The following CDH18 variants were observed in gnomAD, a reference collection of about 807,000 sequenced individuals.
CDH18 encodes cadherin 18, also known as cadherin-18.
Under a neutral mutation model 67.9 loss-of-function variants are expected in CDH18, and 31 were observed. The ratio of observed to expected loss-of-function variants is 0.46; its 90% confidence interval spans 0.34 to 0.62. The LOEUF (loss-of-function observed/expected upper bound fraction) is 0.62. Among genes scored for constraint, CDH18 ranks in the 20% least tolerant of loss-of-function variants. The probability of loss-of-function intolerance (pLI) is 0.01; values close to 1 mark genes in which losing one functional copy is unlikely to be tolerated. For missense variants in CDH18, 890 were observed against 975.5 expected (o/e 0.91, Z 1.17); for synonymous variants, 362 against 347.2 (o/e 1.04, Z -0.48).
At chr5:20,463,823 G>A (rs1201933598) in intron 1 of CDH18, among the ~76,000 whole-genome samples, 1 of 152,086 alleles carries the variant, frequency 6.6e-6, no homozygotes, top group Non-Finnish European at 1.5e-5. Flanking sequence ...TATTTTTTGG[G>A]GACAGAAGTT....
At chr5:19,913,764 T>A (rs560271921) in intron 2 of CDH18, among the ~76,000 whole-genome samples, 4 of 152,202 alleles carry the variant, frequency 2.6e-5, no homozygotes, top group Non-Finnish European at 5.9e-5. Flanking sequence ...GCATCTGAAA[T>A]AACATATTAA....
At chr5:20,381,519 T>A (rs181783080) in intron 1 of CDH18, among the ~76,000 whole-genome samples, 2 of 152,148 alleles carry the variant, frequency 1.3e-5, no homozygotes, top group Non-Finnish European at 2.9e-5. Context: ...CACCTTACTA[T>A]ATATTTAACT....
chr5:19,955,535 A>G (rs1003121110), intron 2 of CDH18, among the ~76,000 whole-genome samples: 1 of 152,108 alleles, frequency 6.6e-6, no homozygotes, highest in Non-Finnish European at 1.5e-5. Flanking sequence ...TAAAGAATAC[A>G]CATTAAGAGG....
rs1216282321 is a variant in CDH18 at position 19,994,845 on chromosome 5, T to TAGAG, written c.-517-2832_-517-2831insCTCT. ...TATAAAGAGAATATATATATATATA[T>TAGAG]ATATATATATAGAGAGAGAGAGAGA... On this transcript the variant is annotated intron_variant, in intron 2 of 14. Transcript: ENST00000507958. Among the ~76,000 whole-genome samples, 21 of 31,744 alleles carry TAGAG rather than the reference T, an allele frequency of 6.6e-4. 3 individuals are homozygous for TAGAG. Among genetic ancestry groups the TAGAG allele is most frequent in the African/African-American group, 2.3e-3 (16 of 6,814 alleles). The allele number at this position is 31,744 out of a possible 152,430, so 20.8% of individuals were successfully genotyped here. A position where few individuals can be genotyped will look rare whatever the true frequency, so the allele number is the denominator to read the frequency against.
intron 2 of CDH18, among the ~76,000 whole-genome samples, chr5:20,159,339 A>C (rs1199280862): frequency 6.6e-6 from 1 of 152,160 alleles, no homozygotes; most frequent in African/African-American, 2.4e-5. Flanking sequence ...AAAAAGAAAT[A>C]GATTTCCTAC....
intron 9 of CDH18, among the ~76,000 whole-genome samples, chr5:19,526,206 G>A (rs1033940862): frequency 3.9e-5 from 6 of 152,100 alleles, no homozygotes; most frequent in Admixed American, 1.3e-4. Flanking sequence ...GGAAAAAGCA[G>A]AATGTACATC....
chr5:20,157,966 C>T (rs1362626666), intron 2 of CDH18, among the ~76,000 whole-genome samples: 1 of 152,114 alleles, frequency 6.6e-6, no homozygotes, highest in Non-Finnish European at 1.5e-5. Context: ...CTCACCTACT[C>T]CCTCTTCCCA....
At chr5:20,505,909 C>T (rs1754629748) in intron 1 of CDH18, among the ~76,000 whole-genome samples, 3 of 152,198 alleles carry the variant, frequency 2.0e-5, no homozygotes, top group Admixed American at 2.0e-4. Flanking sequence ...TCCACCACTC[C>T]ATGTGGCCCA....
chr5:19,692,091 T>C (rs540688510), intron 5 of CDH18, among the ~76,000 whole-genome samples: 48 of 152,020 alleles, frequency 3.2e-4, no homozygotes, highest in Non-Finnish European at 5.8e-4. Context: ...TTTACAGCCA[T>C]ATAATTTTTT....
intron 2 of CDH18, among the ~76,000 whole-genome samples, chr5:19,871,582 T>C (rs1250503076): frequency 6.6e-6 from 1 of 152,146 alleles, no homozygotes; most frequent in Non-Finnish European, 1.5e-5. Context: ...CTCTTAATAT[T>C]TCCTAATATG....
At chr5:19,683,864 T>C (rs1467197261) in intron 5 of CDH18, among the ~76,000 whole-genome samples, 1 of 152,148 alleles carries the variant, frequency 6.6e-6, no homozygotes, top group Non-Finnish European at 1.5e-5. Flanking sequence ...CCTGTTTCAC[T>C]GTTTCTCAAA....
At chr5:19,887,197 A>G (rs533253686) in intron 2 of CDH18, among the ~76,000 whole-genome samples, 1 of 150,454 alleles carries the variant, frequency 6.6e-6, no homozygotes, top group Non-Finnish European at 1.5e-5. Flanking sequence ...ACTTTTTCAC[A>G]TACAACTTAT....
At chr5:20,171,244 T>C (rs1275945252) in intron 2 of CDH18, among the ~76,000 whole-genome samples, 9 of 152,094 alleles carry the variant, frequency 5.9e-5, no homozygotes, top group African/African-American at 1.7e-4. Context: ...AATAATGGGA[T>C]TGCTGGGTTT....
At position 19,571,711 on chromosome 5, in the gene CDH18, A is replaced by T. The variant is rs758395714; in HGVS notation, c.1121T>A (p.Val374Asp). 6.2e-7 allele frequency: 1 copy of T among 1,614,016 alleles called. No homozygotes were observed. Among genetic ancestry groups the T allele is most frequent in the Non-Finnish European group, 8.5e-7 (1 of 1,179,938 alleles). Residue 374 changes from valine to aspartate, a missense_variant, in exon 8 of 13, where the codon GTT becomes GAT. Val to Asp is a radical substitution (Grantham distance 152). Around this residue, in one of 2 missense-constraint regions of CDH18, gnomAD observed 656 missense variants for 668.1 expected, o/e 0.98. Coordinates refer to ENST00000382275, the MANE Select transcript of CDH18 (RefSeq NM_004934.5). ...FKDATMLKIIVGDVDEPPLFS... is the reference protein window; with the variant it reads ...FKDATMLKIIDGDVDEPPLFS... ...TAGTGGTGGTTCATCTACATCCCCA[A>T]CAATGATCTTCAGCATAGTAGCATC...
At chr5:19,918,434 G>T (rs941014138) in intron 2 of CDH18, among the ~76,000 whole-genome samples, 2 of 152,110 alleles carry the variant, frequency 1.3e-5, no homozygotes, top group Admixed American at 6.5e-5. Context: ...AAAATCCAGG[G>T]AACATAAAAC....
intron 2 of CDH18, among the ~76,000 whole-genome samples, chr5:20,189,089 T>A (rs1738332100): frequency 6.6e-6 from 1 of 152,026 alleles, no homozygotes; most frequent in African/African-American, 2.4e-5. Flanking sequence ...TGCAATGCCT[T>A]TCATCGCTAC....
At chr5:20,334,747 CTCTCAT>C (rs150048232) in intron 1 of CDH18, among the ~76,000 whole-genome samples, 1,304 of 125,264 alleles carry the variant, frequency 0.01, 16 homozygotes, top group East Asian at 0.069. Context: ...CTCTCTCTCT[CTCTCAT>C]ACACACACAC....
intron 2 of CDH18, among the ~76,000 whole-genome samples, chr5:20,039,268 T>C (rs1740188421): frequency 1.3e-5 from 2 of 152,018 alleles, no homozygotes; most frequent in Admixed American, 6.6e-5. Context: ...AACCATATTG[T>C]CCAAAGTAAT....
chr5:19,667,998 A>G (rs1402121174), intron 5 of CDH18, among the ~76,000 whole-genome samples: 1 of 152,168 alleles, frequency 6.6e-6, no homozygotes, highest in African/African-American at 2.4e-5. Context: ...AACCAATAAT[A>G]ATAGAACTAA....
Sources: gnomAD v4.1 joint callset for allele counts (sites outside exome capture counted in the v4.1 genomes callset) on GRCh38, gnomAD v4.1.1 for gene constraint, gnomAD v4.1.1 regional missense constraint, MANE v1.5 for transcripts, NCBI Gene and HGNC (gene_info 2026-07-23, HGNC 2026-07-21) for gene names.